Variants in ZMYM2 observed in about 807,000 individuals in gnomAD.
The protein encoded by ZMYM2 is zinc finger MYM-type protein 2.
Under a neutral mutation model 162.8 loss-of-function variants are expected in ZMYM2, and 56 were observed. That is an observed-to-expected ratio of 0.34 (90% CI 0.28 to 0.43). The LOEUF (loss-of-function observed/expected upper bound fraction) is 0.43, where lower values mean the gene tolerates loss of function less well. ZMYM2 is among the 20% of genes least tolerant of loss of function. ZMYM2 has a pLI of 1.00. For synonymous variants in ZMYM2, 510 were observed against 541.6 expected, an observed-to-expected ratio of 0.94 and a Z score of 0.81; for missense variants, 1,275 against 1,621.8, an observed-to-expected ratio of 0.79 and a Z score of 3.67.
At chr13:20,006,272 C>A in intron 5 of ZMYM2, 102 bp from the exon 6 acceptor site, 24 of 1,203,028 alleles carry the variant, frequency 2.0e-5, no homozygotes, top group South Asian at 5.9e-5. Flanking sequence ...TTTCTCCAAA[C>A]AAGCCTTATT....
the ZMYM2 span, among the ~76,000 whole-genome samples, chr13:19,903,320 C>T: frequency 6.6e-6 from 1 of 151,070 alleles, no homozygotes; most frequent in African/African-American, 2.4e-5. Flanking sequence ...CAGAATGATA[C>T]CTTGTCTCTA....
chr13:19,871,328 A>G, the ZMYM2 span, among the ~76,000 whole-genome samples: 1 of 152,346 alleles, frequency 6.6e-6, no homozygotes, highest in South Asian at 2.1e-4. Context: ...ATTTTTGCAA[A>G]GTGCATTACT....
intron 2 of ZMYM2, among the ~76,000 whole-genome samples, chr13:19,981,611 T>C (rs1957333088): frequency 6.6e-6 from 1 of 152,234 alleles, no homozygotes; most frequent in Non-Finnish European, 1.5e-5. Flanking sequence ...TCTGCACTCA[T>C]ATTTTTAACA....
chr13:19,997,431 TTAAAA>T (rs1950096463), intron 3 of ZMYM2, among the ~76,000 whole-genome samples: 1 of 152,194 alleles, frequency 6.6e-6, no homozygotes, highest in Non-Finnish European at 1.5e-5. Flanking sequence ...TATAGTAGTG[TTAAAA>T]TAAATATGCT....
At chr13:19,900,497 A>G in the ZMYM2 span, among the ~76,000 whole-genome samples, 1 of 152,186 alleles carries the variant, frequency 6.6e-6, no homozygotes, top group Middle Eastern at 3.2e-3. Flanking sequence ...GGTAAATTCT[A>G]CCAAACATTA....
intron 7 of ZMYM2, among the ~76,000 whole-genome samples, chr13:20,020,234 CTTT>C (rs71198951): frequency 4.4e-5 from 6 of 137,194 alleles, no homozygotes; most frequent in African/African-American, 5.3e-5. Flanking sequence ...TATTCCTCTT[CTTT>C]TTTTTTTTTT....
At chr13:19,975,640 G>A (rs1291014754) in intron 2 of ZMYM2, among the ~76,000 whole-genome samples, 1 of 152,084 alleles carries the variant, frequency 6.6e-6, no homozygotes, top group African/African-American at 2.4e-5. Context: ...TGTTGTACAG[G>A]TATCTATTTG....
At chr13:19,917,121 C>T in the ZMYM2 span, among the ~76,000 whole-genome samples, 10 of 152,070 alleles carry the variant, frequency 6.6e-5, no homozygotes, top group Non-Finnish European at 2.9e-5. Flanking sequence ...CGCCACGACG[C>T]CCGGCTAATT....
At chr13:19,991,092 T>TAC (rs1949578256) in intron 2 of ZMYM2, among the ~76,000 whole-genome samples, 1 of 143,672 alleles carries the variant, frequency 7.0e-6, no homozygotes, top group Non-Finnish European at 1.5e-5. Context: ...TGTGTGTGTG[T>TAC]GTGTGTGTGT....
intron 3 of ZMYM2, among the ~76,000 whole-genome samples, chr13:19,995,740 C>A (rs1168311790): frequency 6.6e-6 from 1 of 152,088 alleles, no homozygotes; most frequent in Non-Finnish European, 1.5e-5. Flanking sequence ...TTTCTGTGAG[C>A]AGCCTTGTTC....
chr13:19,886,162 C>CTTTTTTTTTTTTTTTTTTTTT, the ZMYM2 span, among the ~76,000 whole-genome samples: 6 of 98,442 alleles, frequency 6.1e-5, no homozygotes, highest in Admixed American at 2.8e-4. Flanking sequence ...TTCTTTCTTT[C>CTTTTTTTTTTTTTTTTTTTTT]TTTTTTTTTT....
intron 2 of ZMYM2, among the ~76,000 whole-genome samples, chr13:19,968,422 G>T (rs1295402665): frequency 2.0e-5 from 3 of 152,002 alleles, no homozygotes; most frequent in African/African-American, 7.2e-5. Context: ...ACTGTCCCTG[G>T]CTAATTTTTT....
the ZMYM2 span, among the ~76,000 whole-genome samples, chr13:19,883,091 A>T: frequency 6.6e-6 from 1 of 152,226 alleles, no homozygotes; most frequent in African/African-American, 2.4e-5. Flanking sequence ...GTATTTATGT[A>T]TGCTACAACA....
intron 4 of ZMYM2, 150 bp downstream of exon 4, chr13:20,003,285 T>C (rs1950518963): frequency 4.4e-6 from 4 of 907,608 alleles, no homozygotes; most frequent in South Asian, 1.8e-5. Context: ...TTGGATGGCA[T>C]TGGAGTTGAT....
intron 12 of ZMYM2, among the ~76,000 whole-genome samples, chr13:20,038,776 C>T (rs1161200758): frequency 3.4e-4 from 52 of 151,276 alleles, no homozygotes; most frequent in Admixed American, 3.4e-3. Context: ...TTTTTGGTTC[C>T]ATAGGATTTT....
In ZMYM2 at chr13:20,088,554, A is replaced by G. The variant is rs534349129; in HGVS notation, c.*2540A>G. ...CCATGCAAATTGAATCTTCATTAAC[A>G]CATTTTAAAAGGCTTTACTGTATTA... On this transcript the variant is annotated 3_prime_UTR_variant, in exon 25 of 25. Transcript: ENST00000610343. 2.0e-5 allele frequency: 4 copies of G among 197,646 alleles called. No homozygotes were observed. The highest frequency in any genetic ancestry group is 6.0e-5 in the Admixed American group (1 of 16,562). The allele number at this position is 197,646 out of a possible 1,614,324, so 12.2% of individuals were successfully genotyped here. A position where few individuals can be genotyped will look rare whatever the true frequency, so the allele number is the denominator to read the frequency against.
At chr13:19,912,302 T>G in the ZMYM2 span, among the ~76,000 whole-genome samples, 9 of 151,082 alleles carry the variant, frequency 6.0e-5, no homozygotes, top group Non-Finnish European at 1.3e-4. Context: ...GTTTTTTTTT[T>G]TTTTTTTTTT....
chr13:19,908,918 A>T, the ZMYM2 span, among the ~76,000 whole-genome samples: 9 of 152,310 alleles, frequency 5.9e-5, no homozygotes, highest in African/African-American at 2.2e-4. Context: ...GACCTTGAGG[A>T]TCCCCAATGG....
At chr13:19,903,761 A>C in the ZMYM2 span, among the ~76,000 whole-genome samples, 1 of 151,442 alleles carries the variant, frequency 6.6e-6, no homozygotes, top group Admixed American at 6.6e-5. Context: ...AGATGGGAGG[A>C]TCACTTGAGC....
Sources: allele counts gnomAD v4.1 joint callset (sites outside exome capture counted in the v4.1 genomes callset), GRCh38; gene constraint gnomAD v4.1.1; transcripts MANE v1.5; gene names NCBI Gene and HGNC (gene_info 2026-07-23, HGNC 2026-07-21).